The following LRRC49 variants were observed in gnomAD, a reference collection of about 807,000 sequenced individuals.
LRRC49 encodes the protein leucine rich repeat containing 49.
LRRC49 carries 50 observed loss-of-function variants against 83.3 expected under a neutral mutation model. The observed-to-expected ratio is 0.60, with a 90% confidence interval of 0.48 to 0.76. LRRC49 has a LOEUF of 0.76. Among genes scored for constraint, LRRC49 ranks in the 30% least tolerant of loss-of-function variants. The pLI is 0.00. For synonymous variants in LRRC49, 286 were observed against 283.3 expected (o/e 1.01, Z -0.10); for missense variants, 704 against 809.1 (o/e 0.87, Z 1.58).
chr15:71,032,215 C>T (rs933122520), intron 14 of LRRC49, among the ~76,000 whole-genome samples: 13 of 152,146 alleles, frequency 8.5e-5, no homozygotes, highest in Non-Finnish European at 1.6e-4. Context: ...CTCACGGCTT[C>T]CCTTGGCTTG....
intron 11 of LRRC49, among the ~76,000 whole-genome samples, chr15:70,985,111 G>A (rs1377578605): frequency 3.4e-5 from 5 of 148,444 alleles, no homozygotes; most frequent in East Asian, 2.0e-4. Context: ...TGTCTTTATA[G>A]CAGCATGATT....
intron 1 of LRRC49, chr15:70,860,116 G>A (rs770010245): frequency 1.4e-5 from 10 of 705,264 alleles, no homozygotes; most frequent in Admixed American, 4.1e-5. Context: ...ATTGAGACCC[G>A]TGATGGGAAG....
At chr15:70,900,100 C>G (rs1241280458) in intron 3 of LRRC49, 3 of 160,690 alleles carry the variant, frequency 1.9e-5, no homozygotes, top group African/African-American at 4.8e-5. Flanking sequence ...AATAACCAGA[C>G]ACACTTATGT....
At chr15:70,987,707 A>T (rs1447776695) in intron 11 of LRRC49, among the ~76,000 whole-genome samples, 1 of 151,814 alleles carries the variant, frequency 6.6e-6, no homozygotes, top group Non-Finnish European at 1.5e-5. Context: ...TTGCTTTTCT[A>T]GTTCTTTTAA....
At chr15:70,984,423 C>T (rs1447259372) in intron 11 of LRRC49, 166 bp downstream of exon 11, 2 of 569,556 alleles carry the variant, frequency 3.5e-6, no homozygotes, top group African/African-American at 1.9e-5. Context: ...CTTACTATAA[C>T]ATTCTCCAAA....
chr15:70,862,416 A>G (rs2032815328), intron 1 of LRRC49, among the ~76,000 whole-genome samples: 1 of 151,796 alleles, frequency 6.6e-6, no homozygotes, highest in Non-Finnish European at 1.5e-5. Flanking sequence ...GTCTCTACTA[A>G]AAATACAAAA....
chr15:70,879,337 G>A (rs1006800366), intron 2 of LRRC49, among the ~76,000 whole-genome samples: 2 of 151,994 alleles, frequency 1.3e-5, no homozygotes, highest in South Asian at 4.2e-4. Context: ...GGTCATCTTG[G>A]GGTTGGTTTC....
At chr15:70,971,661 G>A (rs951542542) in intron 9 of LRRC49, among the ~76,000 whole-genome samples, 3 of 152,084 alleles carry the variant, frequency 2.0e-5, no homozygotes, top group African/African-American at 7.2e-5. Flanking sequence ...CCTATATTGG[G>A]TGCATATGTA....
chr15:70,910,183 C>T lies in LRRC49; in HGVS notation c.501-1349C>T, dbSNP rs562382067. 4.6e-5 allele frequency among the ~76,000 whole-genome samples: 7 copies of T among 151,862 alleles called. No individual in the cohort carries two copies. The South Asian group carries it at 8.3e-4, about 18-fold the overall frequency. ...GTGAAGAAGATCTACAGCTACATAGCGATGATACATGGTGGGCATATGAGA... is the reference window on the plus strand; with the variant it reads ...GTGAAGAAGATCTACAGCTACATAGTGATGATACATGGTGGGCATATGAGA... On this transcript the variant is annotated intron_variant, in intron 5 of 15. Coordinates refer to ENST00000260382, the MANE Select transcript of LRRC49 (RefSeq NM_017691.5).
chr15:70,984,476 A>C (rs2037522683), intron 11 of LRRC49: 1 of 403,878 alleles, frequency 2.5e-6, no homozygotes, highest in Admixed American at 4.2e-5. Flanking sequence ...TTTATAGGGA[A>C]AAGTCTAGAT....
intron 11 of LRRC49, among the ~76,000 whole-genome samples, chr15:70,985,456 G>A (rs554488407): frequency 1.2e-4 from 19 of 152,180 alleles, no homozygotes; most frequent in South Asian, 1.0e-3. Context: ...CATGTCCTTC[G>A]CCCACTTTTT....
At chr15:70,931,021 C>A (rs1239993910) in intron 7 of LRRC49, among the ~76,000 whole-genome samples, 1 of 152,092 alleles carries the variant, frequency 6.6e-6, no homozygotes, top group African/African-American at 2.4e-5. Flanking sequence ...TTGATTTTCT[C>A]CAAGAACTTT....
chr15:70,954,188 C>A (rs993386782), intron 8 of LRRC49, among the ~76,000 whole-genome samples: 1 of 152,198 alleles, frequency 6.6e-6, no homozygotes, highest in Admixed American at 6.5e-5. Flanking sequence ...AGCCACCATG[C>A]CTGGCCAAGC....
At chr15:71,040,504 TA>T (rs2039665073) in intron 15 of LRRC49, among the ~76,000 whole-genome samples, 1 of 152,094 alleles carries the variant, frequency 6.6e-6, no homozygotes, top group Non-Finnish European at 1.5e-5. Flanking sequence ...AAGTCTAACT[TA>T]ATCTGGCAAG....
intron 14 of LRRC49, among the ~76,000 whole-genome samples, chr15:71,024,951 G>T (rs1373313914): frequency 2.0e-5 from 3 of 152,128 alleles, no homozygotes; most frequent in Non-Finnish European, 4.4e-5. Flanking sequence ...GAATTTCAGA[G>T]CTTGAAGACT....
chr15:70,989,363 C>G (rs1421724645), intron 11 of LRRC49, among the ~76,000 whole-genome samples: 1 of 152,122 alleles, frequency 6.6e-6, no homozygotes, highest in Non-Finnish European at 1.5e-5. Context: ...AACTTCCCTT[C>G]TTGCTTCATT....
At chr15:70,909,839 A>ACACACAC (rs2034474539) in intron 5 of LRRC49, among the ~76,000 whole-genome samples, 2 of 136,090 alleles carry the variant, frequency 1.5e-5, no homozygotes, top group South Asian at 2.5e-4. Flanking sequence ...CTCCATCTCA[A>ACACACAC]ACACACACAC....
intron 11 of LRRC49, among the ~76,000 whole-genome samples, chr15:70,990,191 G>A (rs1362645044): frequency 1.1e-4 from 17 of 152,218 alleles, no homozygotes; most frequent in Non-Finnish European, 1.9e-4. Flanking sequence ...TTAAGTCTGC[G>A]GAGGTTACTG....
intron 14 of LRRC49, among the ~76,000 whole-genome samples, chr15:71,032,328 A>T (rs569344444): frequency 6.6e-6 from 1 of 151,698 alleles, no homozygotes; most frequent in African/African-American, 2.4e-5. Context: ...ACCAGTCCCA[A>T]TGAGATGAAC....
Sources: gnomAD v4.1 joint callset for allele counts (sites outside exome capture counted in the v4.1 genomes callset) on GRCh38, gnomAD v4.1.1 for gene constraint, MANE v1.5 for transcripts, NCBI Gene and HGNC (gene_info 2026-07-23, HGNC 2026-07-21) for gene names.